Variants in SOX5 observed in about 807,000 individuals in gnomAD.
SOX5 encodes the protein SRY-box transcription factor 5, also known as transcription factor SOX-5.
A neutral mutation model predicts 92.0 loss-of-function variants in SOX5; 9 were observed. The observed-to-expected ratio is 0.10, with a 90% CI of 0.06 to 0.17. SOX5 has a LOEUF of 0.17. Ranked by LOEUF, SOX5 falls within the 10% of genes least tolerant of loss-of-function variation. SOX5 has a pLI of 1.00. For synonymous variants in SOX5, 344 were observed against 336.3 expected, an observed-to-expected ratio of 1.02 and a Z score of -0.25; for missense variants, 642 against 944.5, an observed-to-expected ratio of 0.68 and a Z score of 4.20.
At position 24,148,690 on chromosome 12, in the gene SOX5, A is replaced by G. The variant is rs1340174986; in HGVS notation, c.-2+64653T>C. 3.0e-3 allele frequency among the ~76,000 whole-genome samples: 150 copies of G among 49,932 alleles called. 1 individual carries two copies. Among genetic ancestry groups the G allele is most frequent in the African/African-American group, 0.021 (138 of 6,684 alleles). The allele number at this position is 49,932 out of a possible 152,430, so 32.8% of individuals were successfully genotyped here. ...CATAGTGAGACCCCCATCTCTACTAAAAAAAAAAAAAAAAAAAAAAAAAAA... is the reference window on the plus strand; with the variant it reads ...CATAGTGAGACCCCCATCTCTACTAGAAAAAAAAAAAAAAAAAAAAAAAAA... On this transcript the variant is annotated intron_variant, in intron 4 of 4. Transcript: ENST00000446891.
chr12:24,010,222 G>T (rs1435010501), intron 4 of SOX5, among the ~76,000 whole-genome samples: 4 of 152,084 alleles, frequency 2.6e-5, no homozygotes, highest in Non-Finnish European at 5.9e-5. Flanking sequence ...ATTAATTTTT[G>T]ACCTTTCTTG....
chr12:24,287,544 G>T (rs976395355), intron 2 of SOX5, among the ~76,000 whole-genome samples: 10 of 148,854 alleles, frequency 6.7e-5, no homozygotes, highest in Non-Finnish European at 1.3e-4. Flanking sequence ...ACAGAAGCGC[G>T]AGCTCAGCAG....
At chr12:24,330,439 G>A (rs975370100) in intron 2 of SOX5, among the ~76,000 whole-genome samples, 1 of 152,224 alleles carries the variant, frequency 6.6e-6, no homozygotes, top group East Asian at 1.9e-4. Flanking sequence ...CAGTGACAGA[G>A]AGAGAGGAAA....
At chr12:23,731,906 A>G (rs969860080) in intron 6 of SOX5, among the ~76,000 whole-genome samples, 1 of 152,232 alleles carries the variant, frequency 6.6e-6, no homozygotes, top group Non-Finnish European at 1.5e-5. Flanking sequence ...CTAAGAAAGT[A>G]CAATCAGGAT....
intron 2 of SOX5, among the ~76,000 whole-genome samples, chr12:24,283,719 GTTTCAGT>G (rs1945492843): frequency 6.6e-6 from 1 of 152,076 alleles, no homozygotes; most frequent in Non-Finnish European, 1.5e-5. Flanking sequence ...CTTCTGTTTT[GTTTCAGT>G]TTTCAATCTT....
chr12:23,731,193 T>C (rs1255958786), intron 6 of SOX5, among the ~76,000 whole-genome samples: 1 of 152,194 alleles, frequency 6.6e-6, no homozygotes, highest in Non-Finnish European at 1.5e-5. Context: ...CCATTGGCCT[T>C]GGAGTGAAAG....
At chr12:23,868,464 C>T (rs2096838761) in intron 2 of SOX5, among the ~76,000 whole-genome samples, 1 of 152,098 alleles carries the variant, frequency 6.6e-6, no homozygotes, top group African/African-American at 2.4e-5. Flanking sequence ...TGTCATTTCT[C>T]ATACTCTTCA....
chr12:23,541,090 G>A (rs1244799521), intron 13 of SOX5, among the ~76,000 whole-genome samples: 1 of 152,152 alleles, frequency 6.6e-6, no homozygotes, highest in Non-Finnish European at 1.5e-5. Flanking sequence ...AAATTAGGCA[G>A]TATTCTCTTT....
At chr12:24,168,703 T>C (rs1242932364) in intron 4 of SOX5, among the ~76,000 whole-genome samples, 1 of 152,134 alleles carries the variant, frequency 6.6e-6, no homozygotes, top group Non-Finnish European at 1.5e-5. Flanking sequence ...TGATGGCTTT[T>C]GGAATATAAT....
intron 4 of SOX5, among the ~76,000 whole-genome samples, chr12:24,124,243 T>C (rs1170446213): frequency 6.6e-6 from 1 of 152,200 alleles, no homozygotes; most frequent in Non-Finnish European, 1.5e-5. Flanking sequence ...TTCTTATTGG[T>C]TGATGCAGAT....
At chr12:23,979,672 T>C (rs1949296062) in intron 4 of SOX5, among the ~76,000 whole-genome samples, 2 of 148,330 alleles carry the variant, frequency 1.3e-5, no homozygotes, top group South Asian at 4.2e-4. Context: ...TCTCATTTTC[T>C]TTCTTCCTTC....
intron 4 of SOX5, among the ~76,000 whole-genome samples, chr12:24,199,332 A>C (rs1378343163): frequency 6.6e-6 from 1 of 152,216 alleles, no homozygotes; most frequent in Non-Finnish European, 1.5e-5. Flanking sequence ...TCTAAGTCCC[A>C]GCACCAAAAT....
chr12:23,781,925 A>AAT (rs1296873802), intron 3 of SOX5, among the ~76,000 whole-genome samples: 4 of 152,152 alleles, frequency 2.6e-5, no homozygotes, highest in Admixed American at 2.6e-4. Flanking sequence ...AACAGAATAT[A>AAT]ATAACTTTCT....
intron 11 of SOX5, among the ~76,000 whole-genome samples, chr12:23,546,795 A>G (rs1156918307): frequency 6.6e-6 from 1 of 152,190 alleles, no homozygotes; most frequent in East Asian, 1.9e-4. Flanking sequence ...GAAGTATAGG[A>G]GTGGCGTGAA....
At chr12:23,871,086 T>G (rs985284365) in intron 2 of SOX5, among the ~76,000 whole-genome samples, 2 of 152,102 alleles carry the variant, frequency 1.3e-5, no homozygotes, top group African/African-American at 4.8e-5. Flanking sequence ...ATATTTTTCC[T>G]CAAAAAATAA....
intron 3 of SOX5, among the ~76,000 whole-genome samples, chr12:24,216,784 T>C (rs1195132205): frequency 2.6e-5 from 4 of 151,918 alleles, no homozygotes; most frequent in Non-Finnish European, 4.4e-5. Context: ...AAAAATTAGC[T>C]GGGCAGGGTG....
chr12:24,329,304 G>A (rs1357096375), intron 2 of SOX5, among the ~76,000 whole-genome samples: 1 of 152,168 alleles, frequency 6.6e-6, no homozygotes, highest in Admixed American at 6.5e-5. Flanking sequence ...GAGGCCTCAG[G>A]AAACTTACAG....
At chr12:24,066,362 C>A (rs1417572817) in intron 4 of SOX5, among the ~76,000 whole-genome samples, 1 of 151,902 alleles carries the variant, frequency 6.6e-6, no homozygotes, top group Non-Finnish European at 1.5e-5. Context: ...ATCAATCAAC[C>A]ATGAAAATGA....
chr12:23,931,595 A>C (rs2139215246), intron 1 of SOX5, among the ~76,000 whole-genome samples: 1 of 151,888 alleles, frequency 6.6e-6, no homozygotes, highest in Middle Eastern at 3.4e-3. Context: ...AAAGAGCAGA[A>C]TAGTAGAGTT....
Sources: gnomAD v4.1 joint callset for allele counts (sites outside exome capture counted in the v4.1 genomes callset) on GRCh38, gnomAD v4.1.1 for gene constraint, MANE v1.5 for transcripts, NCBI Gene and HGNC (gene_info 2026-07-23, HGNC 2026-07-21) for gene names.